The following ABCA10 variants were observed in gnomAD, a reference collection of about 807,000 sequenced individuals.
The protein encoded by ABCA10 is ATP binding cassette subfamily A member 10.
A neutral mutation model predicts 187.5 loss-of-function variants in ABCA10; 169 were observed. The observed-to-expected ratio is 0.90, with a 90% CI of 0.80 to 1.02. The LOEUF (loss-of-function observed/expected upper bound fraction) is 1.02, where lower values mean the gene tolerates loss of function less well. Among genes scored for constraint, ABCA10 ranks in the 50% least tolerant of loss-of-function variants. ABCA10 has a pLI of 0.00. For synonymous variants in ABCA10, 574 were observed against 601.8 expected, an observed-to-expected ratio of 0.95 and a Z score of 0.68; for missense variants, 1,727 against 1,812.4, an observed-to-expected ratio of 0.95 and a Z score of 0.86.
chr17:69,149,877 G>A (rs2074115360), intron 37 of ABCA10, 107 bp downstream of exon 37: 1 of 876,608 alleles, frequency 1.1e-6, no homozygotes, highest in African/African-American at 1.7e-5. Context: ...GATTTTTCAA[G>A]TTTTGATTGA....
At chr17:69,166,257 T>C (rs2074254203) in intron 25 of ABCA10, among the ~76,000 whole-genome samples, 1 of 152,096 alleles carries the variant, frequency 6.6e-6, no homozygotes, top group Admixed American at 6.6e-5. Flanking sequence ...ACCATAAACT[T>C]TGAATAATAC....
chr17:69,192,784 G>T lies in ABCA10; in HGVS notation c.1781-131C>A, dbSNP rs1598106764. 3.7e-6 allele frequency: 3 copies of T among 801,734 alleles called. No individual in the cohort carries two copies. In the East Asian group the frequency reaches 7.8e-5, roughly 21 times the overall value. 49.7% of individuals were successfully genotyped at this position (801,734 alleles called of 1,614,324 possible). On this transcript the variant is annotated intron_variant, in intron 15 of 38. Coordinates refer to ENST00000690296, the MANE Select transcript of ABCA10 (RefSeq NM_001377321.1). ...ACAACTGTAATATCATTAAGCCCCT[G>T]GGTGCAGTATCATTTCTAATCCCCA...
intron 25 of ABCA10, among the ~76,000 whole-genome samples, chr17:69,173,014 T>C (rs2074308809): frequency 6.6e-6 from 1 of 152,184 alleles, no homozygotes; most frequent in African/African-American, 2.4e-5. Flanking sequence ...TAAATAGGGC[T>C]GGTGTATAAT....
chr17:69,218,120 T>A (rs2074719941), intron 6 of ABCA10, among the ~76,000 whole-genome samples: 1 of 152,050 alleles, frequency 6.6e-6, no homozygotes, highest in Non-Finnish European at 1.5e-5. Context: ...TACCCCACAG[T>A]ATATACAACT....
intron 16 of ABCA10, 74 bp from the exon 17 acceptor site, chr17:69,191,389 A>G (rs974670651): frequency 7.3e-7 from 1 of 1,370,604 alleles, no homozygotes; most frequent in African/African-American, 1.5e-5. Flanking sequence ...ATAGTTTTCT[A>G]TTAAACAGCT....
chr17:69,155,243 C>T, intron 29 of ABCA10, 107 bp from the exon 30 acceptor site: 1 of 814,508 alleles, frequency 1.2e-6, no homozygotes, highest in Non-Finnish European at 2.0e-6. Context: ...AATTTAATGC[C>T]AGGCTGAAGA....
chr17:69,197,153 A>G, intron 10 of ABCA10, 31 bp from the exon 11 acceptor site: 1 of 1,503,032 alleles, frequency 6.7e-7, no homozygotes, highest in Non-Finnish European at 9.2e-7. Flanking sequence ...TTTCATGTAA[A>G]TGCATTTTCT....
At chr17:69,243,466 AATACAGT>A (rs2074918837) in intron 1 of ABCA10, among the ~76,000 whole-genome samples, 2 of 152,380 alleles carry the variant, frequency 1.3e-5, no homozygotes, top group South Asian at 4.1e-4. Flanking sequence ...GTACAAGAAA[AATACAGT>A]ATTATATTTT....
chr17:69,222,574 C>T lies in ABCA10; in HGVS notation c.158G>A (p.Gly53Glu). The change falls in exon 4 of 39, where the codon GGA (glycine) becomes GAA (glutamate). Residue 53 changes from glycine (G) to glutamate (E), a missense_variant. By Grantham distance (98) the Gly-to-Glu change is moderately conservative (BLOSUM62 -2). Transcript: ENST00000690296. ...TFSYRLKFNW[G>E]YRIPVIKEHS... Reference sequence around the variant, plus strand: ...CTCCTTTATAACTGGGATTCTATATCCCCAATTAAACTTCAGGCGATATGA... The same window carrying T: ...CTCCTTTATAACTGGGATTCTATATTCCCAATTAAACTTCAGGCGATATGA... 1 of 1,594,228 alleles carries T rather than the reference C, an allele frequency of 6.3e-7. No homozygotes were observed. The highest frequency in any genetic ancestry group is 8.5e-7 in the Non-Finnish European group (1 of 1,175,146).
chr17:69,183,657 C>T (rs1234633383), intron 20 of ABCA10, among the ~76,000 whole-genome samples: 3 of 152,004 alleles, frequency 2.0e-5, no homozygotes, highest in Admixed American at 2.0e-4. Flanking sequence ...ATTTAGAAAG[C>T]CAAGCGAAAT....
At chr17:69,178,799 C>G (rs529705255) in intron 22 of ABCA10, 2 of 152,178 alleles carry the variant, frequency 1.3e-5, no homozygotes, top group East Asian at 3.9e-4. Context: ...AAAGAAAATA[C>G]CTGTTTCTGG....
intron 1 of ABCA10, among the ~76,000 whole-genome samples, chr17:69,236,360 T>C (rs542666052): frequency 4.6e-5 from 7 of 152,300 alleles, no homozygotes; most frequent in Middle Eastern, 3.4e-3. Context: ...TGTAAGAAGA[T>C]AGTTCACATA....
intron 25 of ABCA10, among the ~76,000 whole-genome samples, chr17:69,166,564 T>G (rs1404732427): frequency 2.0e-5 from 3 of 152,198 alleles, no homozygotes; most frequent in Admixed American, 2.0e-4. Context: ...TTTATACCTA[T>G]AGGCTTTAAT....
chr17:69,153,569 T>C (rs1444553930), intron 32 of ABCA10, 23 bp from the exon 33 acceptor site: 4 of 1,613,372 alleles, frequency 2.5e-6, no homozygotes, highest in African/African-American at 1.3e-5. Context: ...AGTGTGATTA[T>C]ACATGAAGTA....
chr17:69,229,471 T>C (rs2074816714), upstream of ABCA10, among the ~76,000 whole-genome samples: 1 of 151,972 alleles, frequency 6.6e-6, no homozygotes, highest in Non-Finnish European at 1.5e-5. Flanking sequence ...TACAACTAAA[T>C]TGGATATTCT....
At position 69,196,450 on chromosome 17, in the gene ABCA10, C is replaced by T. The variant is rs186699304; in HGVS notation, c.1234+614G>A. On this transcript the variant is annotated intron_variant, in intron 11 of 38. Transcript: ENST00000690296. ...GCAGAGGCGCTCCCCACATCTCAGACGATGGGCGGCGGGGCAGAGACGCTC... is the reference window on the plus strand; with the variant it reads ...GCAGAGGCGCTCCCCACATCTCAGATGATGGGCGGCGGGGCAGAGACGCTC... 201 of 176,218 alleles carry T rather than the reference C, an allele frequency of 1.1e-3. 1 individual carries two copies. The highest frequency in any genetic ancestry group is 4.4e-3 in the African/African-American group (176 of 40,102). 10.9% of individuals were successfully genotyped at this position (176,218 alleles called of 1,614,324 possible).
chr17:69,154,899 A>C, intron 30 of ABCA10, 120 bp downstream of exon 30: 1 of 627,602 alleles, frequency 1.6e-6, no homozygotes, highest in Middle Eastern at 4.4e-4. Context: ...AAGTTTTATA[A>C]TTACACATTA....
At chr17:69,219,803 G>A (rs1210136834) in intron 5 of ABCA10, 32 bp from the exon 6 acceptor site, 2 of 1,388,182 alleles carry the variant, frequency 1.4e-6, no homozygotes, top group Non-Finnish European at 2.0e-6. Context: ...TTTATTATGT[G>A]AACTATAGAC....
intron 3 of ABCA10, among the ~76,000 whole-genome samples, chr17:69,224,576 T>C (rs1355294322): frequency 6.6e-6 from 1 of 152,026 alleles, no homozygotes; most frequent in Non-Finnish European, 1.5e-5. Context: ...TAAGTAGGAC[T>C]CTCAGGTGTT....
Sources: allele counts gnomAD v4.1 joint callset (sites outside exome capture counted in the v4.1 genomes callset), GRCh38; gene constraint gnomAD v4.1.1; transcripts MANE v1.5; gene names NCBI Gene and HGNC (gene_info 2026-07-23, HGNC 2026-07-21).